The following ZNF398 variants were observed in gnomAD, a reference collection of about 807,000 sequenced individuals.
ZNF398 encodes zinc finger protein 398.
A neutral mutation model predicts 41.9 loss-of-function variants in ZNF398; 18 were observed. That is an observed-to-expected ratio of 0.43 (90% CI 0.30 to 0.64). ZNF398 has a LOEUF of 0.64. ZNF398 is among the 30% of genes least tolerant of loss of function. The probability of loss-of-function intolerance (pLI) is 0.14; values close to 1 mark genes in which losing one functional copy is unlikely to be tolerated. For missense variants in ZNF398, 669 were observed against 822.8 expected (o/e 0.81, Z 2.29); for synonymous variants, 260 against 308.8 (o/e 0.84, Z 1.66).
intron 4 of ZNF398, among the ~76,000 whole-genome samples, chr7:149,174,602 G>A (rs554110201): frequency 2.6e-5 from 4 of 152,234 alleles, no homozygotes; most frequent in African/African-American, 9.6e-5. Flanking sequence ...AGGCAGGTGG[G>A]TCACCTGAGC....
chr7:149,179,046 C>G lies in ZNF398; in HGVS notation c.1174C>G (p.His392Asp), dbSNP rs762423694. The change falls in exon 6 of 6, where the codon CAT (histidine) becomes GAT (aspartate). Residue 392 changes from histidine to aspartate, a missense_variant. Physicochemically the swap from His to Asp is moderately conservative, Grantham distance 81 (BLOSUM62 -1). Coordinates refer to ENST00000475153, the MANE Select transcript of ZNF398 (RefSeq NM_170686.3). The surrounding 1 kb of genome is among the most constrained non-coding windows in gnomAD (Gnocchi z 6.1). ...QADLSSTSQD[H>D]ASETPPTCPH... ...GGACCTCAGCAGCACCTCCCAGGAC[C>G]ATGCCAGCGAGACACCCCCCACCTG... The G allele has an allele frequency of 6.2e-7, 1 of 1,614,120 alleles. No individual in the cohort carries two copies. Among genetic ancestry groups the G allele is most frequent in the South Asian group, 1.1e-5 (1 of 91,080 alleles).
intron 5 of ZNF398, among the ~76,000 whole-genome samples, chr7:149,178,019 C>T (rs553355249): frequency 9.3e-5 from 14 of 150,800 alleles, no homozygotes; most frequent in South Asian, 6.3e-4. Flanking sequence ...CAGCTGGACG[C>T]GGTGGCTCAT....
At chr7:149,168,860 A>G (rs1795276551) in intron 4 of ZNF398, among the ~76,000 whole-genome samples, 1 of 152,000 alleles carries the variant, frequency 6.6e-6, no homozygotes, top group East Asian at 1.9e-4. Context: ...CGGCCATATT[A>G]TTTTTTAAGA....
chr7:149,163,572 C>T (rs1188663103), intron 2 of ZNF398, among the ~76,000 whole-genome samples: 2 of 151,974 alleles, frequency 1.3e-5, no homozygotes, highest in Non-Finnish European at 2.9e-5. Context: ...CGGGGTTTCT[C>T]CATATTGGTC....
intron 1 of ZNF398, among the ~76,000 whole-genome samples, chr7:149,152,929 G>A (rs1585517309): frequency 7.1e-6 from 1 of 141,700 alleles, no homozygotes; most frequent in Non-Finnish European, 1.5e-5. Context: ...GCATAATCTT[G>A]GCTCACTGTA....
chr7:149,147,268 G>A (rs1826966778), upstream of ZNF398: 1 of 152,278 alleles, frequency 6.6e-6, no homozygotes, highest in East Asian at 1.9e-4. The surrounding 1 kb of genome is among the most constrained non-coding windows in gnomAD (Gnocchi z 5.6). Context: ...TCGTGGGAAT[G>A]TGAGAAAGCG....
chr7:149,166,033 T>G, intron 2 of ZNF398, 125 bp from the exon 3 acceptor site: 2 of 1,069,068 alleles, frequency 1.9e-6, no homozygotes, highest in South Asian at 3.2e-5. Context: ...ATTTCAGAGA[T>G]ATTTAGAATA....
At chr7:149,158,605 C>T (rs1795033147) in intron 2 of ZNF398, among the ~76,000 whole-genome samples, 1 of 152,038 alleles carries the variant, frequency 6.6e-6, no homozygotes, top group Non-Finnish European at 1.5e-5. Flanking sequence ...GAGGCCTAGG[C>T]AGGCAGATCA....
rs75187558 is a variant in ZNF398 at position 149,177,148 on chromosome 7, G to A, written c.775+567G>A. Among the ~76,000 whole-genome samples the A allele has an allele frequency of 8.8e-3, 1,331 of 151,942 alleles. 8 individuals are homozygous for A. The highest frequency in any genetic ancestry group is 0.015 in the African/African-American group (637 of 41,430). Reference sequence around the variant, plus strand: ...TTTTTTAGTATTTTCTGTGCTCTGTGTTCTTTTAGACTGGGAAACACAAAT... The same window carrying A: ...TTTTTTAGTATTTTCTGTGCTCTGTATTCTTTTAGACTGGGAAACACAAAT... On this transcript the variant is annotated intron_variant, in intron 5 of 5. Coordinates refer to ENST00000475153, the MANE Select transcript of ZNF398 (RefSeq NM_170686.3).
chr7:149,150,460 A>C (rs1460510317), intron 1 of ZNF398, among the ~76,000 whole-genome samples: 1 of 152,036 alleles, frequency 6.6e-6, no homozygotes, highest in African/African-American at 2.4e-5. Flanking sequence ...TTAGCAGGGC[A>C]TGGTGGTGTG....
intron 1 of ZNF398, chr7:149,148,453 A>G: frequency 3.0e-6 from 3 of 985,540 alleles, no homozygotes; most frequent in Non-Finnish European, 3.6e-6. Context: ...GCCGCGGGGA[A>G]AGCACTGATC....
At chr7:149,165,261 A>G (rs1390530322) in intron 2 of ZNF398, among the ~76,000 whole-genome samples, 5 of 152,224 alleles carry the variant, frequency 3.3e-5, no homozygotes. Context: ...ATGCTGAAAT[A>G]TAAGAAATCA....
Position 149,179,343 on chromosome 7 carries a change from G to T in ZNF398, c.1471G>T (p.Asp491Tyr). The T allele has an allele frequency of 6.2e-7, 1 of 1,613,392 alleles. No homozygotes were observed. Reference sequence around the variant, plus strand: ...TTTCTCCTGCCCTCAGTGTGGCATTGACTTCAACGGCCACTCGGCCCTGAT... The same window carrying T: ...TTTCTCCTGCCCTCAGTGTGGCATTTACTTCAACGGCCACTCGGCCCTGAT... The part of the protein sequence containing the change: ...RPFSCPQCGI[D>Y]FNGHSALIRH... Residue 491 changes from aspartate (D) to tyrosine (Y), a missense_variant, in exon 6 of 6, where the codon GAC becomes TAC. This residue lies in a region of ZNF398 where 210 missense variants were observed against 290.4 expected (regional missense o/e 0.72). Transcript: ENST00000475153. The surrounding 1 kb of genome is among the most constrained non-coding windows in gnomAD (Gnocchi z 6.1).
At chr7:149,173,505 A>C (rs1795395063) in intron 4 of ZNF398, among the ~76,000 whole-genome samples, 1 of 152,148 alleles carries the variant, frequency 6.6e-6, no homozygotes, top group Non-Finnish European at 1.5e-5. Flanking sequence ...ATAAGACTTC[A>C]AAGTAAAAAT....
At chr7:149,142,754 AT>A (rs1483313104), upstream of ZNF398, among the ~76,000 whole-genome samples, 1 of 152,248 alleles carries the variant, frequency 6.6e-6, no homozygotes, top group Non-Finnish European at 1.5e-5. Context: ...AGGAGCAATT[AT>A]TAATTCAACT....
intron 3 of ZNF398, 41 bp downstream of exon 3, chr7:149,166,325 C>T (rs1480642015): frequency 4.3e-6 from 1 of 231,386 alleles, no homozygotes; most frequent in Non-Finnish European, 6.5e-6. Context: ...GTGACAGCAG[C>T]TCCAAGAGGG....
At chr7:149,133,654 A>AATATATATATATAT (rs146151029) in intron 2 of ZNF398, among the ~76,000 whole-genome samples, 9 of 71,836 alleles carry the variant, frequency 1.3e-4, no homozygotes, top group Non-Finnish European at 1.9e-4. Flanking sequence ...GTGTTTTTTA[A>AATATATATATATAT]ATATATATAT....
intron 4 of ZNF398, among the ~76,000 whole-genome samples, chr7:149,172,557 G>T (rs1795369813): frequency 6.6e-6 from 1 of 152,148 alleles, no homozygotes; most frequent in South Asian, 2.1e-4. Context: ...GTGAAAAGGT[G>T]AAATTTCTTG....
intron 2 of ZNF398, among the ~76,000 whole-genome samples, chr7:149,130,838 A>C (rs1024523702): frequency 6.6e-6 from 1 of 152,194 alleles, no homozygotes; most frequent in Admixed American, 6.6e-5. Flanking sequence ...TCTCAAATCC[A>C]TCTCCCTGAC....
Sources: gnomAD v4.1 joint callset for allele counts (sites outside exome capture counted in the v4.1 genomes callset) on GRCh38, gnomAD v4.1.1 for gene constraint, gnomAD v4.1.1 regional missense constraint, Gnocchi (gnomAD v3.1) non-coding constraint, MANE v1.5 for transcripts, NCBI Gene and HGNC (gene_info 2026-07-23, HGNC 2026-07-21) for gene names.